Variants in HS6ST3 observed in about 807,000 individuals in gnomAD.
HS6ST3 encodes the protein heparan-sulfate 6-O-sulfotransferase 3.
In HS6ST3, 12 loss-of-function variants were observed where a neutral mutation model predicts 36.7. The ratio of observed to expected loss-of-function variants is 0.33; its 90% confidence interval spans 0.21 to 0.53. HS6ST3 has a LOEUF of 0.53. Among genes scored for constraint, HS6ST3 ranks in the 20% least tolerant of loss-of-function variants. HS6ST3 has a pLI of 0.95. For synonymous variants in HS6ST3, 240 were observed against 257.5 expected (o/e 0.93, Z 0.65); for missense variants, 584 against 640.9 (o/e 0.91, Z 0.96).
At chr13:96,189,572 G>A (rs2054279638) in intron 1 of HS6ST3, among the ~76,000 whole-genome samples, 2 of 152,126 alleles carry the variant, frequency 1.3e-5, no homozygotes, top group African/African-American at 2.4e-5. Flanking sequence ...GAAGCATTTA[G>A]TGTCTTCTGG....
intron 1 of HS6ST3, among the ~76,000 whole-genome samples, chr13:96,746,139 G>T (rs562300910): frequency 2.0e-5 from 3 of 152,132 alleles, no homozygotes; most frequent in African/African-American, 4.8e-5. Flanking sequence ...TTCTTGCCAG[G>T]ATTAAGGAAA....
At chr13:96,578,134 A>G (rs1422471479) in intron 1 of HS6ST3, among the ~76,000 whole-genome samples, 1 of 152,156 alleles carries the variant, frequency 6.6e-6, no homozygotes, top group Non-Finnish European at 1.5e-5. Flanking sequence ...TTATCCTCCC[A>G]CACAAGTCCA....
chr13:96,484,003 A>G (rs1476324371), intron 1 of HS6ST3, among the ~76,000 whole-genome samples: 1 of 152,116 alleles, frequency 6.6e-6, no homozygotes, highest in Non-Finnish European at 1.5e-5. Flanking sequence ...TGAAAAGACT[A>G]TCTTTCCTTC....
intron 1 of HS6ST3, among the ~76,000 whole-genome samples, chr13:96,658,122 T>C (rs1477088559): frequency 2.0e-5 from 3 of 152,090 alleles, no homozygotes; most frequent in Non-Finnish European, 2.9e-5. Flanking sequence ...ATCTGAACTT[T>C]TGTGTGTCTG....
chr13:96,317,356 A>ATATATATAAT (rs1555297617), intron 1 of HS6ST3, among the ~76,000 whole-genome samples: 1 of 14,184 alleles, frequency 7.1e-5, no homozygotes, highest in African/African-American at 1.5e-4. Context: ...ATATATATAT[A>ATATATATAAT]TATATATATA....
At chr13:96,650,967 C>A (rs2139012534) in intron 1 of HS6ST3, among the ~76,000 whole-genome samples, 1 of 152,162 alleles carries the variant, frequency 6.6e-6, no homozygotes, top group African/African-American at 2.4e-5. Context: ...CCTCTCTAAT[C>A]CATTCTTTTT....
intron 1 of HS6ST3, among the ~76,000 whole-genome samples, chr13:96,282,994 C>T (rs1257030827): frequency 1.3e-5 from 2 of 152,164 alleles, no homozygotes; most frequent in Admixed American, 6.5e-5. Flanking sequence ...CTACAGCTGT[C>T]CCCAGTTCCA....
intron 1 of HS6ST3, among the ~76,000 whole-genome samples, chr13:96,799,647 G>T: frequency 7.4e-6 from 1 of 135,204 alleles, no homozygotes; most frequent in Non-Finnish European, 1.6e-5. Flanking sequence ...GGAGGGAGGG[G>T]GGAGGGATAG....
chr13:96,207,756 A>G (rs939278154), intron 1 of HS6ST3, among the ~76,000 whole-genome samples: 1 of 152,190 alleles, frequency 6.6e-6, no homozygotes, highest in Non-Finnish European at 1.5e-5. Context: ...GTTCTCACTT[A>G]TAAGTGGGAG....
intron 1 of HS6ST3, among the ~76,000 whole-genome samples, chr13:96,699,518 A>G (rs1351611915): frequency 6.6e-6 from 1 of 152,244 alleles, no homozygotes; most frequent in Non-Finnish European, 1.5e-5. Flanking sequence ...ACTGGCCATC[A>G]GAGAAATGCA....
At chr13:96,216,145 A>G (rs1402524475) in intron 1 of HS6ST3, among the ~76,000 whole-genome samples, 6 of 152,214 alleles carry the variant, frequency 3.9e-5, no homozygotes, top group Non-Finnish European at 7.3e-5. Flanking sequence ...GTTTATGTTC[A>G]TGAACAACAT....
At chr13:96,721,867 T>C (rs969095363) in intron 1 of HS6ST3, among the ~76,000 whole-genome samples, 3 of 152,206 alleles carry the variant, frequency 2.0e-5, no homozygotes, top group African/African-American at 7.2e-5. Flanking sequence ...TAAAGGGTCT[T>C]ATTTCACTTT....
At chr13:96,235,629 G>T (rs1324966690) in intron 1 of HS6ST3, among the ~76,000 whole-genome samples, 1 of 151,994 alleles carries the variant, frequency 6.6e-6, no homozygotes, top group African/African-American at 2.4e-5. Flanking sequence ...TTTTTTTAAA[G>T]ATTTAGCAAT....
chr13:96,204,026 A>G (rs2054356570), intron 1 of HS6ST3, among the ~76,000 whole-genome samples: 1 of 152,222 alleles, frequency 6.6e-6, no homozygotes, highest in South Asian at 2.1e-4. Flanking sequence ...ATGTTTTCAT[A>G]CATTCATACT....
At chr13:96,273,947 C>T (rs61966872) in intron 1 of HS6ST3, among the ~76,000 whole-genome samples, 17 of 81,270 alleles carry the variant, frequency 2.1e-4, no homozygotes, top group Middle Eastern at 8.6e-3. Flanking sequence ...CTCCCTCCCT[C>T]CCTTCCTTCC....
At chr13:96,817,421 G>A (rs541877475) in intron 1 of HS6ST3, among the ~76,000 whole-genome samples, 3 of 152,146 alleles carry the variant, frequency 2.0e-5, no homozygotes, top group African/African-American at 2.4e-5. Flanking sequence ...TGAATGTAAC[G>A]TGTCAGAAGT....
chr13:96,203,935 T>G (rs2054356174), intron 1 of HS6ST3, among the ~76,000 whole-genome samples: 1 of 152,306 alleles, frequency 6.6e-6, no homozygotes, highest in Admixed American at 6.5e-5. Context: ...TATTCATATC[T>G]TTATCTTAAA....
chr13:96,265,253 G>T (rs931651936), intron 1 of HS6ST3, among the ~76,000 whole-genome samples: 1 of 151,858 alleles, frequency 6.6e-6, no homozygotes, highest in East Asian at 1.9e-4. Context: ...ATGGCTCACT[G>T]TAGCCTCAAA....
chr13:96,522,697 G>A (rs1250944924), intron 1 of HS6ST3, among the ~76,000 whole-genome samples: 2 of 150,720 alleles, frequency 1.3e-5, no homozygotes, highest in Admixed American at 1.3e-4. Context: ...GTGTGTGTGT[G>A]TGCTTTCCAT....
Sources: gnomAD v4.1 joint callset for allele counts (sites outside exome capture counted in the v4.1 genomes callset) on GRCh38, gnomAD v4.1.1 for gene constraint, MANE v1.5 for transcripts, NCBI Gene and HGNC (gene_info 2026-07-23, HGNC 2026-07-21) for gene names.